Variants in SLC6A6 observed in about 807,000 individuals in gnomAD.
SLC6A6 encodes the protein sodium- and chloride-dependent taurine transporter.
In SLC6A6, 16 loss-of-function variants were observed where a neutral mutation model predicts 68.8. The observed-to-expected ratio is 0.23, with a 90% CI of 0.16 to 0.35. The LOEUF is 0.35. SLC6A6 is among the 10% of genes least tolerant of loss of function. The probability of loss-of-function intolerance (pLI) is 1.00; values close to 1 mark genes in which losing one functional copy is unlikely to be tolerated. For missense variants in SLC6A6, 474 were observed against 802.8 expected (o/e 0.59, Z 4.95); for synonymous variants, 312 against 315.4 (o/e 0.99, Z 0.12).
chr3:14,409,040 C>T (rs1699175880), intron 1 of SLC6A6, among the ~76,000 whole-genome samples: 1 of 152,194 alleles, frequency 6.6e-6, no homozygotes, highest in African/African-American at 2.4e-5. Flanking sequence ...GATCTCCTGA[C>T]CTGGTGATCT....
intron 2 of SLC6A6, among the ~76,000 whole-genome samples, chr3:14,423,983 A>T (rs1458640565): frequency 2.0e-5 from 3 of 152,038 alleles, no homozygotes; most frequent in Non-Finnish European, 4.4e-5. Context: ...TCTGGGGAGA[A>T]GGGTCGTCCC....
In SLC6A6 at chr3:14,489,247, G is replaced by C. The variant is rs989552722; in HGVS notation, c.*4240G>C. ...GGGTTTTTTTCTCTTTTGCTTTTTA[G>C]ATAAATATGTATATCAATATTTTAA... is the stretch of plus-strand genomic sequence containing the variant. On this transcript the variant is annotated 3_prime_UTR_variant, in exon 15 of 15. Coordinates refer to ENST00000622186, the MANE Select transcript of SLC6A6 (RefSeq NM_003043.6). 2 of 152,402 alleles carry C rather than the reference G, an allele frequency of 1.3e-5. No individual in the cohort carries two copies. Among genetic ancestry groups the C allele is most frequent in the Non-Finnish European group, 2.9e-5 (2 of 67,994 alleles). 9.4% of individuals were successfully genotyped at this position (152,402 alleles called of 1,614,324 possible). A position where few individuals can be genotyped will look rare whatever the true frequency, so the allele number is the denominator to read the frequency against.
Position 14,477,752 on chromosome 3 carries a change from G to A in SLC6A6, c.1347+410G>A, listed in dbSNP as rs1412062451. The stretch of plus-strand genomic sequence containing the variant: ...GCACCACGTAGAGGTGCACCACCTT[G>A]CAGGTCACCTGCCACAGGACCGAGT... On this transcript the variant is annotated intron_variant, in intron 11 of 14. Transcript: ENST00000622186. This position sits in a 1 kb window ranked among gnomAD's most constrained non-coding sequence, Gnocchi z 4.2. Among the ~76,000 whole-genome samples, 1 of 152,172 alleles carries A rather than the reference G, an allele frequency of 6.6e-6. No homozygotes were observed. The highest frequency in any genetic ancestry group is 1.9e-4 in the East Asian group (1 of 5,182).
Position 14,485,055 on chromosome 3 carries a change from A to G in SLC6A6, c.*48A>G, listed in dbSNP as rs755464788. On this transcript the variant is annotated 3_prime_UTR_variant, in exon 15 of 15. Coordinates refer to ENST00000622186, the MANE Select transcript of SLC6A6 (RefSeq NM_003043.6). ...GGCGGCTTTCCTGCTGTTTACTAACATTAGATTCTCATAGGACCAGGTTTA... is the reference window on the plus strand; with the variant it reads ...GGCGGCTTTCCTGCTGTTTACTAACGTTAGATTCTCATAGGACCAGGTTTA... 2.0e-6 allele frequency: 3 copies of G among 1,529,526 alleles called. No homozygotes were observed. The highest frequency in any genetic ancestry group is 2.3e-5 in the East Asian group (1 of 42,968). 94.7% of individuals were successfully genotyped at this position (1,529,526 alleles called of 1,614,324 possible).
intron 1 of SLC6A6, among the ~76,000 whole-genome samples, chr3:14,410,491 G>A (rs568132785): frequency 1.6e-4 from 25 of 152,324 alleles, no homozygotes; most frequent in Middle Eastern, 3.4e-3. Context: ...AAGAAGGAGC[G>A]TGGTGAGCAG....
chr3:14,433,499 C>G (rs1014612991), intron 2 of SLC6A6, among the ~76,000 whole-genome samples: 2 of 152,112 alleles, frequency 1.3e-5, no homozygotes, highest in Non-Finnish European at 2.9e-5. Context: ...AACGACTCTA[C>G]AGGCCCCACC....
At chr3:14,480,916 C>T (rs1196776630) in intron 13 of SLC6A6, among the ~76,000 whole-genome samples, 1 of 152,214 alleles carries the variant, frequency 6.6e-6, no homozygotes, top group East Asian at 1.9e-4. Flanking sequence ...TAGCATGGAC[C>T]CAGGGCTGGG....
intron 2 of SLC6A6, among the ~76,000 whole-genome samples, chr3:14,416,841 TTAAA>T (rs1699372952): frequency 6.6e-6 from 1 of 152,212 alleles, no homozygotes; most frequent in African/African-American, 2.4e-5. Context: ...TCTGTCTCTG[TTAAA>T]GGTTTGTTTT....
intron 10 of SLC6A6, among the ~76,000 whole-genome samples, chr3:14,475,416 G>A (rs567593851): frequency 3.3e-5 from 5 of 152,256 alleles, no homozygotes; most frequent in East Asian, 3.9e-4. Context: ...CACCCAGCCC[G>A]CTGACATGGG....
At chr3:14,422,633 C>T (rs1014826870) in intron 2 of SLC6A6, among the ~76,000 whole-genome samples, 1 of 152,126 alleles carries the variant, frequency 6.6e-6, no homozygotes, top group African/African-American at 2.4e-5. Context: ...CCTGTCATTG[C>T]TTCTCACCCC....
At position 14,414,556 on chromosome 3, in the gene SLC6A6, C is replaced by T. The variant is rs1222574731; in HGVS notation, c.-53-1856C>T. On this transcript the variant is annotated intron_variant, in intron 1 of 14. Coordinates refer to ENST00000622186, the MANE Select transcript of SLC6A6 (RefSeq NM_003043.6). Reference sequence around the variant, plus strand: ...TCTTTTTTTTTAAGAGACAGGGTCTCACTCTGTCACCCTGGCTGGACTGCA... The same window carrying T: ...TCTTTTTTTTTAAGAGACAGGGTCTTACTCTGTCACCCTGGCTGGACTGCA... Among the ~76,000 whole-genome samples the T allele has an allele frequency of 4.0e-5, 6 of 151,832 alleles. No individual in the cohort carries two copies. The East Asian group carries it at 1.2e-3, about 29-fold the overall frequency.
At chr3:14,441,153 A>G (rs894259965) in intron 2 of SLC6A6, among the ~76,000 whole-genome samples, 20 of 152,068 alleles carry the variant, frequency 1.3e-4, no homozygotes, top group African/African-American at 4.6e-4. Context: ...GGGTAGCCGC[A>G]GTGAAGCAGA....
chr3:14,420,193 G>A (rs1699455350), intron 2 of SLC6A6, among the ~76,000 whole-genome samples: 1 of 152,252 alleles, frequency 6.6e-6, no homozygotes, highest in South Asian at 2.1e-4. Flanking sequence ...AGCAGTTTGG[G>A]AGGCTGAGGC....
At chr3:14,473,699 G>A (rs1266764077) in intron 10 of SLC6A6, among the ~76,000 whole-genome samples, 1 of 152,232 alleles carries the variant, frequency 6.6e-6, no homozygotes, top group Non-Finnish European at 1.5e-5. Context: ...TACTTCTGCA[G>A]TTGTTGATAG....
chr3:14,470,903 C>A (rs1401779462), intron 9 of SLC6A6, among the ~76,000 whole-genome samples: 1 of 152,228 alleles, frequency 6.6e-6, no homozygotes, highest in Non-Finnish European at 1.5e-5. Flanking sequence ...AGCAACCACT[C>A]TGTCGCTGCC....
Position 14,466,516 on chromosome 3 carries a change from G to A in SLC6A6, c.733G>A (p.Val245Ile), listed in dbSNP as rs1307447325. Residue 245 changes from valine (V) to isoleucine (I), a missense_variant and splice_region_variant, in exon 7 of 15, where the codon GTC (valine) becomes ATC (isoleucine). By Grantham distance (29) the Val-to-Ile change is conservative. Coordinates refer to ENST00000622186, the MANE Select transcript of SLC6A6 (RefSeq NM_003043.6). ...TCCTGAATCCCTCTCGCCCTTGCAGGTCGTCTACTTCACAGCCACTTTTCC... is the reference window on the plus strand; with the variant it reads ...TCCTGAATCCCTCTCGCCCTTGCAGATCGTCTACTTCACAGCCACTTTTCC... Reference protein sequence around the residue: ...IWKGVRSTGKVVYFTATFPFA... With the variant: ...IWKGVRSTGKIVYFTATFPFA... 3 of 1,610,406 alleles carry A rather than the reference G, an allele frequency of 1.9e-6. No homozygotes were observed. The highest frequency in any genetic ancestry group is 2.2e-5 in the South Asian group (2 of 90,878).
chr3:14,461,568 T>C (rs1700495546), intron 6 of SLC6A6, among the ~76,000 whole-genome samples: 1 of 152,070 alleles, frequency 6.6e-6, no homozygotes, highest in Non-Finnish European at 1.5e-5. Context: ...GGCCCCGGAG[T>C]GAGCATGGAC....
In SLC6A6 at chr3:14,466,636, C is replaced by G; in HGVS notation, c.853C>G (p.Leu285Val). The change falls in exon 7 of 15, where the codon CTT becomes GTT. Residue 285 changes from leucine to valine, a missense_variant. Physicochemically the swap from Leu to Val is conservative, Grantham distance 32 (BLOSUM62 1). Coordinates refer to ENST00000622186, the MANE Select transcript of SLC6A6 (RefSeq NM_003043.6). ...KFYLYPDITR[L>V]EDPQVWIDAG... ...CTATCTGTATCCTGACATCACCCGC[C>G]TTGAGGACCCACAGGTACTGTGGGG... The G allele has an allele frequency of 6.2e-7, 1 of 1,612,554 alleles. No individual in the cohort carries two copies. The highest frequency in any genetic ancestry group is 8.5e-7 in the Non-Finnish European group (1 of 1,179,034).
At position 14,477,436 on chromosome 3, in the gene SLC6A6, A is replaced by G. The variant is rs1700904785; in HGVS notation, c.1347+94A>G. 8 of 1,289,710 alleles carry G rather than the reference A, an allele frequency of 6.2e-6. No individual in the cohort carries two copies. In the Admixed American group the frequency reaches 1.4e-4, roughly 23 times the overall value. The allele number at this position is 1,289,710 out of a possible 1,614,324, so 79.9% of individuals were successfully genotyped here. A position where few individuals can be genotyped will look rare whatever the true frequency, so the allele number is the denominator to read the frequency against. On this transcript the variant is annotated intron_variant, in intron 11 of 14. Transcript: ENST00000622186. The surrounding 1 kb of genome is among the most constrained non-coding windows in gnomAD (Gnocchi z 4.2). ...CAGCAGCTGGGTGAGAGGGCCAGGTAGGGGCTTCATCTCCCAGCCCCACCC... is the reference window on the plus strand; with the variant it reads ...CAGCAGCTGGGTGAGAGGGCCAGGTGGGGGCTTCATCTCCCAGCCCCACCC...
Sources: allele counts gnomAD v4.1 joint callset (sites outside exome capture counted in the v4.1 genomes callset), GRCh38; gene constraint gnomAD v4.1.1; non-coding constraint Gnocchi (gnomAD v3.1); transcripts MANE v1.5; gene names NCBI Gene and HGNC (gene_info 2026-07-23, HGNC 2026-07-21).